The following CCDC91 variants were observed in gnomAD, a reference collection of about 807,000 sequenced individuals.
CCDC91 encodes the protein coiled-coil domain-containing protein 91.
Under a neutral mutation model 63.2 loss-of-function variants are expected in CCDC91, and 48 were observed. That is an observed-to-expected ratio of 0.76 (90% confidence interval 0.60 to 0.97). The LOEUF is 0.97. Ranked by LOEUF, CCDC91 falls within the 50% of genes least tolerant of loss-of-function variation. The probability of loss-of-function intolerance (pLI) is 0.00; values close to 1 mark genes in which losing one functional copy is unlikely to be tolerated. For missense variants in CCDC91, 500 were observed against 494.6 expected (o/e 1.01, Z -0.10); for synonymous variants, 167 against 165.8 (o/e 1.01, Z -0.06).
chr12:28,317,387 A>T (rs1940005904), intron 6 of CCDC91, among the ~76,000 whole-genome samples: 1 of 151,970 alleles, frequency 6.6e-6, no homozygotes, highest in Non-Finnish European at 1.5e-5. Context: ...TTCCATGAGG[A>T]TACTTATTTT....
chr12:28,221,555 G>T (rs1033312798), intron 1 of CCDC91, among the ~76,000 whole-genome samples: 1 of 152,124 alleles, frequency 6.6e-6, no homozygotes, highest in Non-Finnish European at 1.5e-5. Flanking sequence ...CAATCAGTTG[G>T]ATTATTTTGA....
chr12:28,271,503 T>A (rs1947766137), intron 3 of CCDC91, among the ~76,000 whole-genome samples: 1 of 152,268 alleles, frequency 6.6e-6, no homozygotes, highest in East Asian at 1.9e-4. Context: ...TAAGTGATAC[T>A]TGAATTTTTT....
chr12:28,513,320 A>G (rs1939579495), intron 12 of CCDC91, among the ~76,000 whole-genome samples: 1 of 151,910 alleles, frequency 6.6e-6, no homozygotes, highest in African/African-American at 2.4e-5. Flanking sequence ...CACATGGCAC[A>G]TTATAAGTGT....
At chr12:28,347,036 A>G (rs114778891) in intron 6 of CCDC91, among the ~76,000 whole-genome samples, 2,642 of 152,278 alleles carry the variant, frequency 0.017, 79 homozygotes, top group African/African-American at 0.059. Context: ...GTATATATGT[A>G]TATATCATAA....
intron 8 of CCDC91, among the ~76,000 whole-genome samples, chr12:28,393,862 A>G (rs1388855254): frequency 1.3e-5 from 2 of 152,170 alleles, no homozygotes; most frequent in East Asian, 1.9e-4. Flanking sequence ...TGGAGTTATT[A>G]AAAGGATTCA....
At chr12:28,487,649 G>GT (rs890681307) in intron 12 of CCDC91, among the ~76,000 whole-genome samples, 43 of 145,012 alleles carry the variant, frequency 3.0e-4, no homozygotes, top group African/African-American at 3.3e-4. Flanking sequence ...CCTTCTCCAG[G>GT]TTTTTTTTTT....
At chr12:28,504,365 A>T (rs1435506715) in intron 12 of CCDC91, among the ~76,000 whole-genome samples, 3 of 151,944 alleles carry the variant, frequency 2.0e-5, no homozygotes, top group Admixed American at 2.0e-4. Flanking sequence ...TCATTCATTA[A>T]CAAATATTTG....
intron 1 of CCDC91, chr12:28,225,696 T>G (rs1439357012): frequency 6.6e-6 from 1 of 152,504 alleles, no homozygotes; most frequent in Non-Finnish European, 1.5e-5. Context: ...CATCAGGTGA[T>G]CCGGCCTTCC....
intron 8 of CCDC91, among the ~76,000 whole-genome samples, chr12:28,422,356 AT>A (rs528943404): frequency 1.9e-3 from 293 of 152,164 alleles, no homozygotes; most frequent in African/African-American, 6.7e-3. Context: ...CAAAATATAA[AT>A]TTTATAGTAA....
At chr12:28,245,892 C>CAATTATTTT (rs1346148969) in intron 1 of CCDC91, among the ~76,000 whole-genome samples, 3 of 152,014 alleles carry the variant, frequency 2.0e-5, no homozygotes, top group South Asian at 4.1e-4. Flanking sequence ...TGTTACAACC[C>CAATTATTTT]AATTATTTTA....
Position 28,192,178 on chromosome 12 carries a change from G to A in CCDC91, c.-15+1537G>A, listed in dbSNP as rs548034239. Among the ~76,000 whole-genome samples, 5 of 152,220 alleles carry A rather than the reference G, an allele frequency of 3.3e-5. No homozygotes were observed. The South Asian group carries it at 1.0e-3, about 32-fold the overall frequency. ...CCAGAGGGACATCACTTTGGTTTTG[G>A]GTGGCATTAAAATAGAGAAAAAAGA... On this transcript the variant is annotated intron_variant, in intron 1 of 12. Coordinates refer to ENST00000536442, the MANE Select transcript of CCDC91 (RefSeq NM_018318.5).
At chr12:28,441,057 C>CAAAAAAAAAAAAAA (rs60278449) in intron 8 of CCDC91, among the ~76,000 whole-genome samples, 40 of 52,694 alleles carry the variant, frequency 7.6e-4, no homozygotes, top group East Asian at 1.0e-3. Flanking sequence ...GACTCCATCT[C>CAAAAAAAAAAAAAA]AAAAAAAAAA....
At position 28,301,338 on chromosome 12, in the gene CCDC91, T is replaced by A. The variant is rs997867556; in HGVS notation, c.110-4311T>A. On this transcript the variant is annotated intron_variant, in intron 3 of 12. Coordinates refer to ENST00000536442, the MANE Select transcript of CCDC91 (RefSeq NM_018318.5). ...CTGGAGATAATCATATAATTTTTTT[T>A]AAAATTCTGTTATTATGGAGTATTA... 4.7e-4 allele frequency among the ~76,000 whole-genome samples: 71 copies of A among 151,762 alleles called. 1 individual carries two copies. Among genetic ancestry groups the A allele is most frequent in the African/African-American group, 9.9e-4 (41 of 41,544 alleles).
chr12:28,403,449 T>C (rs1272882292), intron 8 of CCDC91, among the ~76,000 whole-genome samples: 1 of 152,150 alleles, frequency 6.6e-6, no homozygotes, highest in African/African-American at 2.4e-5. Context: ...GCTTTCTAGA[T>C]GGCTGTCTTT....
chr12:28,279,675 A>G (rs1948469829), intron 3 of CCDC91, among the ~76,000 whole-genome samples: 1 of 151,816 alleles, frequency 6.6e-6, no homozygotes, highest in Non-Finnish European at 1.5e-5. Flanking sequence ...CCCTATATTA[A>G]ATCTTTCCAC....
chr12:28,362,664 G>GGATTAC (rs1943981141), intron 7 of CCDC91, 149 bp downstream of exon 7: 1 of 498,848 alleles, frequency 2.0e-6, no homozygotes, highest in Non-Finnish European at 3.5e-6. Flanking sequence ...AATATCCATT[G>GGATTAC]AAAGCATACT....
chr12:28,313,040 G>A (rs1358461131), intron 6 of CCDC91, among the ~76,000 whole-genome samples: 1 of 151,988 alleles, frequency 6.6e-6, no homozygotes, highest in African/African-American at 2.4e-5. Flanking sequence ...TTTATGGTCT[G>A]CCAGTCATCC....
At chr12:28,317,188 C>T (rs1939984513) in intron 6 of CCDC91, among the ~76,000 whole-genome samples, 1 of 151,978 alleles carries the variant, frequency 6.6e-6, no homozygotes, top group Non-Finnish European at 1.5e-5. Context: ...TTTTGGCATT[C>T]ACAAGGGATA....
intron 1 of CCDC91, among the ~76,000 whole-genome samples, chr12:28,200,280 T>C (rs1327950965): frequency 1.3e-5 from 2 of 151,128 alleles, no homozygotes; most frequent in East Asian, 1.9e-4. Context: ...ATGTTTCTTT[T>C]TATTTATTTA....
Sources: gnomAD v4.1 joint callset for allele counts (sites outside exome capture counted in the v4.1 genomes callset) on GRCh38, gnomAD v4.1.1 for gene constraint, MANE v1.5 for transcripts, NCBI Gene and HGNC (gene_info 2026-07-23, HGNC 2026-07-21) for gene names.